The following TAP1 variants were observed in gnomAD, a reference collection of about 807,000 sequenced individuals.
TAP1 encodes transporter 1, ATP binding cassette subfamily B member.
In TAP1, 56 loss-of-function variants were observed where a neutral mutation model predicts 79.3. That is an observed-to-expected ratio of 0.71 (90% confidence interval 0.57 to 0.88). TAP1 has a LOEUF of 0.88. Ranked by LOEUF, TAP1 falls within the 40% of genes least tolerant of loss-of-function variation. TAP1 has a pLI of 0.00. For synonymous variants in TAP1, 355 were observed against 401.4 expected (o/e 0.88, Z 1.38); for missense variants, 737 against 936.3 (o/e 0.79, Z 2.78).
Position 32,849,135 on chromosome 6 carries a change from A to G in TAP1, c.1249-17T>C. On this transcript the variant is annotated splice_polypyrimidine_tract_variant and intron_variant, in intron 5 of 10. Transcript: ENST00000354258. ...ACCTGAAATCTATAAAGAGACCACA[A>G]AAAAAGGGACTGAGGTAGAGAAATC... The G allele has an allele frequency of 6.4e-7, 1 of 1,568,604 alleles. No individual in the cohort carries two copies. Among genetic ancestry groups the G allele is most frequent in the Non-Finnish European group, 8.6e-7 (1 of 1,156,240 alleles).
At position 32,847,062 on chromosome 6, in the gene TAP1, C is replaced by T. The variant is rs371984928; in HGVS notation, c.2040+6G>A. ...GATATAGCCATTAAGAAGATGACTG[C>T]CTCACCTGTAACTGGCTGTTTGCAT... On this transcript the variant is annotated splice_donor_region_variant and intron_variant, in intron 10 of 10. Coordinates refer to ENST00000354258, the MANE Select transcript of TAP1 (RefSeq NM_000593.6). The surrounding 1 kb of genome is among the most constrained non-coding windows in gnomAD (Gnocchi z 4.7). The T allele has an allele frequency of 1.4e-5, 23 of 1,612,186 alleles. 1 individual carries two copies. The African/African-American group carries it at 2.7e-4, about 19-fold the overall frequency.
rs1770596902 is a variant in TAP1 at position 32,848,669 on chromosome 6, C to T, written c.1549G>A (p.Asp517Asn). Reference sequence around the variant, plus strand: ...GGTTGTACCTGTAGCACTAAGACATCTGGGCGGTTTGGGTAGGCAAAGGAG... The same window carrying T: ...GGTTGTACCTGTAGCACTAAGACATTTGGGCGGTTTGGGTAGGCAAAGGAG... Reference protein sequence around the residue: ...DVSFAYPNRPDVLVLQGLTFT... With the variant: ...DVSFAYPNRPNVLVLQGLTFT... Residue 517 changes from aspartate to asparagine, a missense_variant, in exon 7 of 11, where the codon GAT becomes AAT. Transcript: ENST00000354258. The T allele has an allele frequency of 6.2e-7, 1 of 1,613,978 alleles. No individual in the cohort carries two copies. The highest frequency in any genetic ancestry group is 8.5e-7 in the Non-Finnish European group (1 of 1,180,040).
In TAP1 at chr6:32,847,968, A is replaced by G. The variant is rs751513078; in HGVS notation, c.1691T>C (p.Leu564Ser). ...LYQPTGGQLL[L>S]DGKPLPQYEH... ...ATATTGGGGAAGGGGCTTCCCATCC[A>G]ACAGCAGCTGTCCCCCGGTGGGCTG... Residue 564 changes from leucine to serine, a missense_variant, in exon 8 of 11, where the codon TTG (leucine) becomes TCG (serine). Around this residue, in one of 5 missense-constraint regions of TAP1, gnomAD observed 266 missense variants for 332.4 expected, o/e 0.80. Coordinates refer to ENST00000354258, the MANE Select transcript of TAP1 (RefSeq NM_000593.6). The surrounding 1 kb of genome is among the most constrained non-coding windows in gnomAD (Gnocchi z 4.7). 1 of 1,613,084 alleles carries G rather than the reference A, an allele frequency of 6.2e-7. No individual in the cohort carries two copies. The highest frequency in any genetic ancestry group is 1.3e-5 in the African/African-American group (1 of 75,052).
rs1256567962 is a variant in TAP1 at position 32,852,001 on chromosome 6, G to A, written c.844+108C>T. On this transcript the variant is annotated intron_variant, in intron 3 of 10. Transcript: ENST00000354258. The surrounding 1 kb of genome is among the most constrained non-coding windows in gnomAD (Gnocchi z 4.8). ...TATATCAAGAATGAGAAGGAACAAT[G>A]TGTGTATGTGTGTGTGAGAGAGAGA... 1 of 1,435,946 alleles carries A rather than the reference G, an allele frequency of 7.0e-7. No individual in the cohort carries two copies. Among genetic ancestry groups the A allele is most frequent in the African/African-American group, 1.4e-5 (1 of 71,420 alleles). The allele number at this position is 1,435,946 out of a possible 1,614,324, so 89.0% of individuals were successfully genotyped here.
Position 32,850,186 on chromosome 6 carries a change from T to C in TAP1, c.1248+134A>G. 1 of 909,020 alleles carries C rather than the reference T, an allele frequency of 1.1e-6. No homozygotes were observed. The highest frequency in any genetic ancestry group is 1.8e-6 in the Non-Finnish European group (1 of 562,958). 56.3% of individuals were successfully genotyped at this position (909,020 alleles called of 1,614,324 possible). A position where few individuals can be genotyped will look rare whatever the true frequency, so the allele number is the denominator to read the frequency against. ...GGACACTGAGTAGAGTCATTGAGCC[T>C]CAGGTTGCTAGGACGAAAATACTGA... On this transcript the variant is annotated intron_variant, in intron 5 of 10. Coordinates refer to ENST00000354258, the MANE Select transcript of TAP1 (RefSeq NM_000593.6). The surrounding 1 kb of genome is among the most constrained non-coding windows in gnomAD (Gnocchi z 5.5).
intron 7 of TAP1, 89 bp downstream of exon 7, chr6:32,848,563 G>T: frequency 2.9e-6 from 4 of 1,360,964 alleles, no homozygotes; most frequent in South Asian, 1.2e-5. Flanking sequence ...ATATATGCTT[G>T]GCAGTAAGCA....
Position 32,848,648 on chromosome 6 carries a change from GTAC to G in TAP1, c.1566+1_1566+3del. Reference sequence around the variant, plus strand: ...AGTGGAATACAGGGAGTGGTAGGTTGTACCTGTAGCACTAAGACATCTGGGCGG... The same window carrying G: ...AGTGGAATACAGGGAGTGGTAGGTTGCTGTAGCACTAAGACATCTGGGCGG... On this transcript the variant is annotated splice_donor_variant and splice_donor_region_variant and intron_variant, in intron 7 of 10. Transcript: ENST00000354258. LOFTEE classifies it high-confidence loss of function. The G allele has an allele frequency of 6.2e-7, 1 of 1,613,790 alleles. No homozygotes were observed. Among genetic ancestry groups the G allele is most frequent in the Non-Finnish European group, 8.5e-7 (1 of 1,179,940 alleles).
In TAP1 at chr6:32,847,033, G is replaced by A. The variant is rs774279461; in HGVS notation, c.2040+35C>T. On this transcript the variant is annotated intron_variant, in intron 10 of 10. Coordinates refer to ENST00000354258, the MANE Select transcript of TAP1 (RefSeq NM_000593.6). The surrounding 1 kb of genome is among the most constrained non-coding windows in gnomAD (Gnocchi z 4.7). ...AGATGTATAAAAGAAGCAAGATTGG[G>A]TGGGATATAGCCATTAAGAAGATGA... The A allele has an allele frequency of 3.7e-6, 6 of 1,609,854 alleles. No homozygotes were observed. Among genetic ancestry groups the A allele is most frequent in the African/African-American group, 2.7e-5 (2 of 74,926 alleles).
chr6:32,845,929 G>A lies in TAP1; in HGVS notation c.2041-144C>T. ...AGGACACCAACGTTTCCCATTCTGAGTACTTCTCCGCAAACCCTTTGTTTC... is the reference window on the plus strand; with the variant it reads ...AGGACACCAACGTTTCCCATTCTGAATACTTCTCCGCAAACCCTTTGTTTC... On this transcript the variant is annotated intron_variant, in intron 10 of 10. Transcript: ENST00000354258. The surrounding 1 kb of genome is among the most constrained non-coding windows in gnomAD (Gnocchi z 4.5). 1 of 700,724 alleles carries A rather than the reference G, an allele frequency of 1.4e-6. No homozygotes were observed. The highest frequency in any genetic ancestry group is 2.7e-5 in the East Asian group (1 of 36,716). The allele number at this position is 700,724 out of a possible 1,614,324, so 43.4% of individuals were successfully genotyped here. A position where few individuals can be genotyped will look rare whatever the true frequency, so the allele number is the denominator to read the frequency against.
At position 32,852,404 on chromosome 6, in the gene TAP1, T is replaced by G; in HGVS notation, c.697A>C (p.Ile233Leu). Residue 233 changes from isoleucine (I) to leucine (L), a missense_variant, in exon 2 of 11, where the codon ATT (isoleucine) becomes CTT (leucine). Ile to Leu is a conservative substitution (Grantham distance 5). Coordinates refer to ENST00000354258, the MANE Select transcript of TAP1 (RefSeq NM_000593.6). This position sits in a 1 kb window ranked among gnomAD's most constrained non-coding sequence, Gnocchi z 4.8. Reference sequence around the variant, plus strand: ...CCCCCAGACCTGGCTATGGTGAGAATGGACATGAGAGTTAAGTTTCGAGTG... The same window carrying G: ...CCCCCAGACCTGGCTATGGTGAGAAGGGACATGAGAGTTAAGTTTCGAGTG... Reference protein sequence around the residue: ...TFTRNLTLMSILTIASAVLEF... With the variant: ...TFTRNLTLMSLLTIASAVLEF... The G allele has an allele frequency of 1.2e-6, 2 of 1,613,070 alleles. No individual in the cohort carries two copies. The highest frequency in any genetic ancestry group is 1.7e-4 in the Middle Eastern group (1 of 6,060).
rs567034355 is a variant in TAP1, at chr6:32,845,815, G to A, written c.2041-30C>T. 2.0e-5 allele frequency: 32 copies of A among 1,592,180 alleles called. No individual in the cohort carries two copies. Among genetic ancestry groups the A allele is most frequent in the East Asian group, 1.1e-4 (5 of 44,714 alleles). The stretch of plus-strand genomic sequence containing the variant: ...GGAAAGACATCGGACCGTCAGAGCC[G>A]GGGACTACCCTCAGCCCAGGGAGAC... On this transcript the variant is annotated intron_variant, in intron 10 of 10. Transcript: ENST00000354258. The surrounding 1 kb of genome is among the most constrained non-coding windows in gnomAD (Gnocchi z 4.5).
rs1770512743 is a variant in TAP1, at chr6:32,847,578, G to A, written c.1838C>T (p.Thr613Ile). Reference sequence around the variant, plus strand: ...GGCCCCAGACTTTACTGCAGCAGCTGTGATTTCCTCCATAGTTGGCTTCTG... The same window carrying A: ...GGCCCCAGACTTTACTGCAGCAGCTATGATTTCCTCCATAGTTGGCTTCTG... ...LTQKPTMEEI[T>I]AAAVKSGAHS... is the part of the protein sequence containing the mutation. Residue 613 changes from threonine (T) to isoleucine (I), a missense_variant, in exon 9 of 11, where the codon ACA becomes ATA. Around this residue, in one of 5 missense-constraint regions of TAP1, gnomAD observed 266 missense variants for 332.4 expected, o/e 0.80. Transcript: ENST00000354258. This position sits in a 1 kb window ranked among gnomAD's most constrained non-coding sequence, Gnocchi z 4.7. 6.2e-7 allele frequency: 1 copy of A among 1,614,098 alleles called. No homozygotes were observed.
In TAP1 at chr6:32,853,264, CGGACCCG is replaced by C. The variant is rs1435673842; in HGVS notation, c.366_372del (p.Gly123ArgfsTer53). On this transcript the variant is annotated frameshift_variant, in exon 1 of 11. Coordinates refer to ENST00000354258, the MANE Select transcript of TAP1 (RefSeq NM_000593.6). LOFTEE classifies it high-confidence loss of function. This position sits in a 1 kb window ranked among gnomAD's most constrained non-coding sequence, Gnocchi z 8.3. ...CAGTGCAGTAGCCTGGTGCTATCCGCGGACCCGGGGGCTCCCCATGAGATCAGCTCTC... is the reference window on the plus strand; with the variant it reads ...CAGTGCAGTAGCCTGGTGCTATCCGCGGGGCTCCCCATGAGATCAGCTCTC... The C allele has an allele frequency of 6.3e-7, 1 of 1,593,458 alleles. No individual in the cohort carries two copies. Among genetic ancestry groups the C allele is most frequent in the Non-Finnish European group, 8.6e-7 (1 of 1,169,582 alleles).
Position 32,850,593 on chromosome 6 carries a change from G to A in TAP1, c.1051-76C>T. The A allele has an allele frequency of 5.4e-6, 7 of 1,288,024 alleles. No homozygotes were observed. The South Asian group carries it at 7.2e-5, about 13-fold the overall frequency. The allele number at this position is 1,288,024 out of a possible 1,614,324, so 79.8% of individuals were successfully genotyped here. On this transcript the variant is annotated intron_variant, in intron 4 of 10. Coordinates refer to ENST00000354258, the MANE Select transcript of TAP1 (RefSeq NM_000593.6). This position sits in a 1 kb window ranked among gnomAD's most constrained non-coding sequence, Gnocchi z 5.5. Reference sequence around the variant, plus strand: ...ACACTAATACCTGAGTTACCTATTTGGAAATTAAAGGTGAGAAGAGACAGA... The same window carrying A: ...ACACTAATACCTGAGTTACCTATTTAGAAATTAAAGGTGAGAAGAGACAGA...
At position 32,847,758 on chromosome 6, in the gene TAP1, T is replaced by C. The variant is rs55874331; in HGVS notation, c.1741-83A>G. ...AGAGATCGAAGACTCAAAATCTTTATTGAGAACATGTCACAAAATCATACT... is the reference window on the plus strand; with the variant it reads ...AGAGATCGAAGACTCAAAATCTTTACTGAGAACATGTCACAAAATCATACT... On this transcript the variant is annotated intron_variant, in intron 8 of 10. Transcript: ENST00000354258. The surrounding 1 kb of genome is among the most constrained non-coding windows in gnomAD (Gnocchi z 4.7). The C allele has an allele frequency of 1.1e-3, 1,692 of 1,582,356 alleles. 6 individuals carry two copies. Among genetic ancestry groups the C allele is most frequent in the African/African-American group, 4.6e-3 (345 of 74,386 alleles).
In TAP1 at chr6:32,850,813, G is replaced by C. The variant is rs1330764333; in HGVS notation, c.1050+131C>G. 4 of 903,486 alleles carry C rather than the reference G, an allele frequency of 4.4e-6. No individual in the cohort carries two copies. Among genetic ancestry groups the C allele is most frequent in the Non-Finnish European group, 5.5e-6 (3 of 545,246 alleles). The allele number at this position is 903,486 out of a possible 1,614,324, so 56.0% of individuals were successfully genotyped here. On this transcript the variant is annotated intron_variant, in intron 4 of 10. Coordinates refer to ENST00000354258, the MANE Select transcript of TAP1 (RefSeq NM_000593.6). The surrounding 1 kb of genome is among the most constrained non-coding windows in gnomAD (Gnocchi z 5.5). The stretch of plus-strand genomic sequence containing the variant: ...CTGGGAACATGGACCACAGGGACAG[G>C]GTGTTCCATGAAGATGGAGAATCAG...
At position 32,845,632 on chromosome 6, in the gene TAP1, T is replaced by C; in HGVS notation, c.2194A>G (p.Lys732Glu). ...EGGTHQQLME[K>E]KGCYWAMVQA... ...ACCATGGCCCAGTAGCACCCCTTTT[T>C]CTCCATGAGCTGCTGGTGGGTTCCC... Residue 732 changes from lysine to glutamate, a missense_variant, in exon 11 of 11, where the codon AAA (lysine) becomes GAA (glutamate). Transcript: ENST00000354258. The surrounding 1 kb of genome is among the most constrained non-coding windows in gnomAD (Gnocchi z 4.5). 6.2e-7 allele frequency: 1 copy of C among 1,613,042 alleles called. No individual in the cohort carries two copies. The highest frequency in any genetic ancestry group is 8.5e-7 in the Non-Finnish European group (1 of 1,180,010).
chr6:32,849,669 T>A (rs1770666349), intron 5 of TAP1: 1 of 177,824 alleles, frequency 5.6e-6, no homozygotes, highest in Non-Finnish European at 1.2e-5. Flanking sequence ...GAGAACGGCG[T>A]GAACCCGGGA....
chr6:32,849,172 C>T (rs879401981), intron 5 of TAP1, 54 bp from the exon 6 acceptor site: 5 of 1,551,686 alleles, frequency 3.2e-6, no homozygotes, highest in Middle Eastern at 3.3e-4. Flanking sequence ...GGAGGGGACA[C>T]AAAGAACCGC....
Sources: allele counts gnomAD v4.1 joint callset, GRCh38; gene constraint gnomAD v4.1.1; regional missense constraint gnomAD v4.1.1; non-coding constraint Gnocchi (gnomAD v3.1); transcripts MANE v1.5; gene names NCBI Gene and HGNC (gene_info 2026-07-23, HGNC 2026-07-21).